The following PPP4R1 variants were observed in gnomAD, a reference collection of about 807,000 sequenced individuals.
The protein encoded by PPP4R1 is protein phosphatase 4 regulatory subunit 1.
PPP4R1 carries 42 observed loss-of-function variants against 111.2 expected under a neutral mutation model. The ratio of observed to expected loss-of-function variants is 0.38; its 90% CI spans 0.29 to 0.49. The LOEUF (loss-of-function observed/expected upper bound fraction) is 0.49, where lower values mean the gene tolerates loss of function less well. Ranked by LOEUF, PPP4R1 falls within the 20% of genes least tolerant of loss-of-function variation. PPP4R1 has a pLI of 0.97. For missense variants in PPP4R1, 1,012 were observed against 1,161.6 expected (o/e 0.87, Z 1.87); for synonymous variants, 409 against 405.5 (o/e 1.01, Z -0.10).
rs2067057672 is a variant in PPP4R1, at chr18:9,583,128, G to C, written c.907C>G (p.Pro303Ala). The change falls in exon 9 of 20, where the codon CCT (proline) becomes GCT (alanine). Residue 303 changes from proline (P) to alanine (A), a missense_variant. Physicochemically the swap from Pro to Ala is conservative, Grantham distance 27. Transcript: ENST00000400556. The stretch of plus-strand genomic sequence containing the variant: ...AATCAAAACCCTACCCAACGTGAAG[G>C]ATCACTGATCAAATTAATAAAAAGT... Reference protein sequence around the residue: ...SALFINLISDPSRWVRQAAFQ... With the variant: ...SALFINLISDASRWVRQAAFQ... 1 of 1,607,914 alleles carries C rather than the reference G, an allele frequency of 6.2e-7. No individual in the cohort carries two copies. Among genetic ancestry groups the C allele is most frequent in the Non-Finnish European group, 8.5e-7 (1 of 1,175,908 alleles).
Position 9,563,536 on chromosome 18 carries a change from G to C in PPP4R1, c.1588C>G (p.Leu530Val). 6.3e-7 allele frequency: 1 copy of C among 1,593,262 alleles called. No individual in the cohort carries two copies. The highest frequency in any genetic ancestry group is 8.5e-7 in the Non-Finnish European group (1 of 1,169,774). ...DPDVKAQVEV[L>V]SAALRASSLD... ...CTGGAAGCACGTAGTGCAGCGGACA[G>C]CACTTCCACTTGTGCTACAGGCAAA... is the stretch of plus-strand genomic sequence containing the variant. Residue 530 changes from leucine (L) to valine (V), a missense_variant, in exon 12 of 20, where the codon CTG (leucine) becomes GTG (valine). Coordinates refer to ENST00000400556, the MANE Select transcript of PPP4R1 (RefSeq NM_001042388.3).
At chr18:9,592,513 CCTTGTTCACCTTAATAA>C (rs1317850698) in intron 4 of PPP4R1, among the ~76,000 whole-genome samples, 1 of 152,196 alleles carries the variant, frequency 6.6e-6, no homozygotes, top group Non-Finnish European at 1.5e-5. Context: ...TGACACAAAT[CCTTGTTCACCTTAATAA>C]CTGCTCTAGC....
chr18:9,594,680 C>A (rs2067263709), intron 3 of PPP4R1: 1 of 205,368 alleles, frequency 4.9e-6, no homozygotes. Context: ...TCTTGAGCAT[C>A]ACCCGTCATA....
chr18:9,570,813 C>T, intron 10 of PPP4R1, 130 bp from the exon 11 acceptor site: 3 of 994,112 alleles, frequency 3.0e-6, no homozygotes, highest in Middle Eastern at 3.3e-4. Flanking sequence ...TCTGTACAAA[C>T]TGAGTTTATG....
At chr18:9,571,411 T>A (rs2066859372) in intron 10 of PPP4R1, among the ~76,000 whole-genome samples, 1 of 152,210 alleles carries the variant, frequency 6.6e-6, no homozygotes, top group African/African-American at 2.4e-5. Context: ...TCAATTAAAT[T>A]TAACAGGCAT....
At chr18:9,553,536 T>C (rs1171982952) in intron 15 of PPP4R1, 114 bp from the exon 16 acceptor site, 1 of 662,712 alleles carries the variant, frequency 1.5e-6, no homozygotes, top group African/African-American at 1.8e-5. Context: ...GAAGAGGAAA[T>C]GTAGTAGCTG....
chr18:9,591,257 GA>G (rs1282062957), intron 4 of PPP4R1, among the ~76,000 whole-genome samples: 1 of 151,630 alleles, frequency 6.6e-6, no homozygotes, highest in Non-Finnish European at 1.5e-5. Context: ...TGAGGCAGAA[GA>G]ATCACTTGAA....
chr18:9,604,019 G>C (rs1385860194), intron 2 of PPP4R1, among the ~76,000 whole-genome samples: 1 of 152,144 alleles, frequency 6.6e-6, no homozygotes, highest in South Asian at 2.1e-4. Flanking sequence ...AATGAATAGT[G>C]GGTATCCAAG....
intron 6 of PPP4R1, chr18:9,587,489 G>A (rs2067139494): frequency 6.7e-6 from 1 of 148,934 alleles, no homozygotes; most frequent in African/African-American, 2.5e-5. Flanking sequence ...TGTAACCTCT[G>A]TCTCCCAGGT....
At position 9,549,325 on chromosome 18, in the gene PPP4R1, T is replaced by C; in HGVS notation, c.2561A>G (p.Asp854Gly). ...AAACTGGTCCATGGGAAGGCAGTCA[T>C]CCTCAATGACAGTCTGGGGAAGAGA... Reference protein sequence around the residue: ...FVFVCQTVIEDDCLPMDQFAV... With the variant: ...FVFVCQTVIEGDCLPMDQFAV... The change falls in exon 19 of 20, where the codon GAT (aspartate) becomes GGT (glycine). Residue 854 changes from aspartate to glycine, a missense_variant. By Grantham distance (94) the Asp-to-Gly change is moderately conservative (BLOSUM62 -1). This residue lies in a region of PPP4R1 where 305 missense variants were observed against 419.5 expected (regional missense o/e 0.73). Transcript: ENST00000400556. 1 of 1,607,628 alleles carries C rather than the reference T, an allele frequency of 6.2e-7. No homozygotes were observed. Among genetic ancestry groups the C allele is most frequent in the Non-Finnish European group, 8.5e-7 (1 of 1,174,336 alleles).
rs2067087086 is a variant in PPP4R1 at position 9,584,696 on chromosome 18, C to T, written c.693+25G>A. 12 of 1,609,142 alleles carry T rather than the reference C, an allele frequency of 7.5e-6. No individual in the cohort carries two copies. The East Asian group carries it at 2.7e-4, about 36-fold the overall frequency. On this transcript the variant is annotated intron_variant, in intron 7 of 19. Coordinates refer to ENST00000400556, the MANE Select transcript of PPP4R1 (RefSeq NM_001042388.3). ...CCACTAGAACTATGTTCTTAAACAGCAGAAAAAAAACGACAAAAAAATACC... is the reference window on the plus strand; with the variant it reads ...CCACTAGAACTATGTTCTTAAACAGTAGAAAAAAAACGACAAAAAAATACC...
intron 2 of PPP4R1, among the ~76,000 whole-genome samples, chr18:9,596,215 T>C (rs1185663167): frequency 6.6e-6 from 1 of 152,130 alleles, no homozygotes; most frequent in Non-Finnish European, 1.5e-5. Context: ...AGTCAACAAA[T>C]AAATATAAAT....
chr18:9,571,538 T>C (rs1265974446), intron 10 of PPP4R1, among the ~76,000 whole-genome samples: 1 of 152,156 alleles, frequency 6.6e-6, no homozygotes, highest in Non-Finnish European at 1.5e-5. Context: ...AAAATGAAGA[T>C]ATATCAGCAA....
At chr18:9,599,973 G>C (rs372568269) in intron 2 of PPP4R1, among the ~76,000 whole-genome samples, 11 of 152,204 alleles carry the variant, frequency 7.2e-5, no homozygotes, top group African/African-American at 2.6e-4. Context: ...TGTTAGTCTG[G>C]AGTAAGGCTC....
At chr18:9,605,622 GAGGAAACA>G (rs1172647153) in intron 2 of PPP4R1, among the ~76,000 whole-genome samples, 2 of 135,288 alleles carry the variant, frequency 1.5e-5, no homozygotes, top group African/African-American at 5.5e-5. Context: ...ATCAAATCAT[GAGGAAACA>G]GATAAAACCA....
intron 9 of PPP4R1, among the ~76,000 whole-genome samples, chr18:9,581,068 A>G (rs906675903): frequency 6.6e-6 from 1 of 152,186 alleles, no homozygotes; most frequent in Non-Finnish European, 1.5e-5. Context: ...AAACAAGCAA[A>G]TAACAGTAAC....
At chr18:9,587,939 A>C in intron 6 of PPP4R1, 150 bp downstream of exon 6, 1 of 953,248 alleles carries the variant, frequency 1.0e-6, no homozygotes, top group Non-Finnish European at 1.5e-6. Context: ...CTGGTCTCCA[A>C]CTCCTGACCT....
chr18:9,559,299 T>G, intron 14 of PPP4R1, 120 bp downstream of exon 14: 1 of 1,010,542 alleles, frequency 9.9e-7, no homozygotes, highest in Non-Finnish European at 1.4e-6. Flanking sequence ...CTTCCATACA[T>G]AATTTCCTAT....
chr18:9,603,694 G>A (rs2067431370), intron 2 of PPP4R1, among the ~76,000 whole-genome samples: 1 of 151,984 alleles, frequency 6.6e-6, no homozygotes, highest in African/African-American at 2.4e-5. Flanking sequence ...TATGTTGCCA[G>A]GGCTGGTCTC....
Sources: allele counts gnomAD v4.1 joint callset (sites outside exome capture counted in the v4.1 genomes callset), GRCh38; gene constraint gnomAD v4.1.1; regional missense constraint gnomAD v4.1.1; transcripts MANE v1.5; gene names NCBI Gene and HGNC (gene_info 2026-07-23, HGNC 2026-07-21).